Variants in MTG2 observed in about 807,000 individuals in gnomAD.
MTG2 encodes mitochondrial ribosome-associated GTPase 2.
In MTG2, 23 loss-of-function variants were observed where a neutral mutation model predicts 28.6. That is an observed-to-expected ratio of 0.80 (90% CI 0.58 to 1.14). The LOEUF is 1.14. Among genes scored for constraint, MTG2 ranks in the 50% most tolerant of loss-of-function variants. MTG2 has a pLI of 0.00. For missense variants in MTG2, 539 were observed against 552.0 expected, an observed-to-expected ratio of 0.98 and a Z score of 0.24; for synonymous variants, 260 against 251.8, an observed-to-expected ratio of 1.03 and a Z score of -0.31.
At chr20:62,195,662 T>G (rs892574487) in intron 2 of MTG2, 140 bp from the exon 3 acceptor site, 24 of 999,768 alleles carry the variant, frequency 2.4e-5, no homozygotes, top group Non-Finnish European at 2.8e-5. Flanking sequence ...AATTTAGAAG[T>G]GATTAGCAAT....
At position 62,200,985 on chromosome 20, in the gene MTG2, A is replaced by T. The variant is rs780626811; in HGVS notation, c.1129A>T (p.Asn377Tyr). The T allele has an allele frequency of 6.2e-7, 1 of 1,613,816 alleles. No individual in the cohort carries two copies. Among genetic ancestry groups the T allele is most frequent in the South Asian group, 1.1e-5 (1 of 91,086 alleles). ...VIVLSALTGE[N>Y]LEQLLLHLKV... The stretch of plus-strand genomic sequence containing the variant: ...CGTGCTGTCGGCGTTGACCGGCGAG[A>T]ACCTGGAGCAGCTGCTGTTGCACCT... Residue 377 changes from asparagine (N) to tyrosine (Y), a missense_variant, in exon 7 of 7, where the codon AAC becomes TAC. Transcript: ENST00000370823.
At position 62,199,125 on chromosome 20, in the gene MTG2, T is replaced by C; in HGVS notation, c.694T>C (p.Phe232Leu). The C allele has an allele frequency of 1.2e-6, 2 of 1,614,012 alleles. No individual in the cohort carries two copies. The highest frequency in any genetic ancestry group is 8.5e-7 in the Non-Finnish European group (1 of 1,179,982). ...TCTTCCCTCTTTCCCCCAGGTGGGA[T>C]TCCCCAACGCCGGGAAGTCCTCACT... ...KTVAHAGMVG[F>L]PNAGKSSLLR... The change falls in exon 6 of 7, where the codon TTC becomes CTC. Residue 232 changes from phenylalanine to leucine, a missense_variant. Physicochemically the swap from Phe to Leu is conservative, Grantham distance 22. Coordinates refer to ENST00000370823, the MANE Select transcript of MTG2 (RefSeq NM_015666.4).
chr20:62,184,159 C>T (rs542514279), intron 1 of MTG2, among the ~76,000 whole-genome samples: 1 of 152,340 alleles, frequency 6.6e-6, no homozygotes, highest in East Asian at 1.9e-4. Flanking sequence ...GAGTTAAAGA[C>T]CAGCCTGGCC....
rs1210556471 is a variant in MTG2 at position 62,200,891 on chromosome 20, C to A, written c.1035C>A (p.Asn345Lys). The change falls in exon 7 of 7, where the codon AAC (asparagine) becomes AAA (lysine). Residue 345 changes from asparagine to lysine, a missense_variant. By Grantham distance (94) the Asn-to-Lys change is moderately conservative. Transcript: ENST00000370823. ...CGAGGCCCCACGCAATCGTCGCAAA[C>A]AAGATTGACCTCCCTGAAGCCCAAG... ...LSARPHAIVA[N>K]KIDLPEAQAN... is the part of the protein sequence containing the mutation. The A allele has an allele frequency of 6.2e-7, 1 of 1,614,052 alleles. No individual in the cohort carries two copies. Among genetic ancestry groups the A allele is most frequent in the South Asian group, 1.1e-5 (1 of 91,092 alleles).
intron 4 of MTG2, 107 bp from the exon 5 acceptor site, chr20:62,198,527 C>A: frequency 1.6e-6 from 2 of 1,234,330 alleles, no homozygotes; most frequent in South Asian, 1.3e-5. Flanking sequence ...GCCCGGGGCA[C>A]AGTCCGCTCT....
In MTG2 at chr20:62,202,258, T is replaced by TC. The variant is rs1356644261; in HGVS notation, c.*1186dup. 1 of 152,140 alleles carries TC rather than the reference T, an allele frequency of 6.6e-6. No individual in the cohort carries two copies. The highest frequency in any genetic ancestry group is 1.5e-5 in the Non-Finnish European group (1 of 68,124). The allele number at this position is 152,140 out of a possible 1,614,324, so 9.4% of individuals were successfully genotyped here. A position where few individuals can be genotyped will look rare whatever the true frequency, so the allele number is the denominator to read the frequency against. ...TGGCAGCCTGCCTGGCCCATAGACA[T>TC]CCCCCAAGTAGTCTCAGGCCTCTGA... On this transcript the variant is annotated 3_prime_UTR_variant, in exon 7 of 7. Transcript: ENST00000370823.
intron 1 of MTG2, among the ~76,000 whole-genome samples, chr20:62,183,860 T>G (rs2057776935): frequency 6.6e-6 from 1 of 152,186 alleles, no homozygotes; most frequent in Non-Finnish European, 1.5e-5. Context: ...GGGCAGAAAA[T>G]GGATTCCTTT....
rs1210351612 is a variant in MTG2 at position 62,200,992 on chromosome 20, A to G, written c.1136A>G (p.Glu379Gly). Residue 379 changes from glutamate (E) to glycine (G), a missense_variant, in exon 7 of 7, where the codon GAG (glutamate) becomes GGG (glycine). Coordinates refer to ENST00000370823, the MANE Select transcript of MTG2 (RefSeq NM_015666.4). ...TCGGCGTTGACCGGCGAGAACCTGG[A>G]GCAGCTGCTGTTGCACCTGAAGGTG... ...VLSALTGENL[E>G]QLLLHLKVLY... 2 of 1,613,596 alleles carry G rather than the reference A, an allele frequency of 1.2e-6. No homozygotes were observed. The highest frequency in any genetic ancestry group is 1.3e-5 in the African/African-American group (1 of 74,934).
intron 1 of MTG2, among the ~76,000 whole-genome samples, chr20:62,191,227 A>G (rs542718256): frequency 5.0e-4 from 76 of 152,272 alleles, no homozygotes; most frequent in African/African-American, 1.8e-3. Context: ...TTCCAGCCCA[A>G]GGAGCTGGAC....
rs779130835 is a variant in MTG2 at position 62,197,837 on chromosome 20, T to C, written c.353-15T>C. 6.2e-7 allele frequency: 1 copy of C among 1,611,182 alleles called. No individual in the cohort carries two copies. Among genetic ancestry groups the C allele is most frequent in the Non-Finnish European group, 8.5e-7 (1 of 1,177,298 alleles). ...TCGTAACACAAAGGGACTGAGATTC[T>C]TGTTCTTGCTTTAGTTGACCAGCAA... On this transcript the variant is annotated splice_polypyrimidine_tract_variant and intron_variant, in intron 3 of 6. Transcript: ENST00000370823.
At chr20:62,186,691 G>A (rs1601083925) in intron 1 of MTG2, among the ~76,000 whole-genome samples, 1 of 152,008 alleles carries the variant, frequency 6.6e-6, no homozygotes, top group South Asian at 2.1e-4. Flanking sequence ...ACCACGCCTG[G>A]CTAATTTTTA....
In MTG2 at chr20:62,186,653, C is replaced by T. The variant is rs570463005; in HGVS notation, c.-6+3596C>T. Among the ~76,000 whole-genome samples the T allele has an allele frequency of 6.6e-5, 10 of 151,992 alleles. No homozygotes were observed. In the East Asian group the frequency reaches 1.5e-3, roughly 24 times the overall value. On this transcript the variant is annotated intron_variant, in intron 1 of 6. Coordinates refer to ENST00000370823, the MANE Select transcript of MTG2 (RefSeq NM_015666.4). ...AAGCGATTCTCCTGCCTCAGCCTCC[C>T]GAGTAGCCGGGACTACAGGCACGTG... is the stretch of plus-strand genomic sequence containing the variant.
At chr20:62,183,299 C>T (rs2057760441) in intron 1 of MTG2, among the ~76,000 whole-genome samples, 1 of 152,186 alleles carries the variant, frequency 6.6e-6, no homozygotes. Context: ...CCCGGTCCTG[C>T]CCCACTCTCT....
rs946762050 is a variant in MTG2, at chr20:62,203,522, A to C, written c.*2445A>C. ...CAAATTTTTGTCAGTCTGCTTTTCA[A>C]ATGGGATATATGATTCACATACCAT... On this transcript the variant is annotated 3_prime_UTR_variant, in exon 7 of 7. Transcript: ENST00000370823. 2 of 152,220 alleles carry C rather than the reference A, an allele frequency of 1.3e-5. No homozygotes were observed. Among genetic ancestry groups the C allele is most frequent in the East Asian group, 1.9e-4 (1 of 5,200 alleles). 9.4% of individuals were successfully genotyped at this position (152,220 alleles called of 1,614,324 possible).
chr20:62,186,766 T>C (rs2057858460), intron 1 of MTG2, among the ~76,000 whole-genome samples: 1 of 152,154 alleles, frequency 6.6e-6, no homozygotes, highest in South Asian at 2.1e-4. Context: ...TGATCTCAAA[T>C]GATCCGCCCA....
intron 1 of MTG2, among the ~76,000 whole-genome samples, chr20:62,189,143 C>CA (rs559176986): frequency 1.1e-4 from 16 of 151,558 alleles, no homozygotes; most frequent in African/African-American, 3.6e-4. Flanking sequence ...CCTGTCTCTG[C>CA]AAAAAAAATT....
intron 1 of MTG2, among the ~76,000 whole-genome samples, chr20:62,192,061 A>G (rs1167541565): frequency 6.6e-6 from 1 of 152,252 alleles, no homozygotes; most frequent in Non-Finnish European, 1.5e-5. Context: ...ACAATTCGCC[A>G]GTCCTCTGCA....
rs2058197516 is a variant in MTG2 at position 62,202,876 on chromosome 20, C to G, written c.*1799C>G. On this transcript the variant is annotated 3_prime_UTR_variant, in exon 7 of 7. Transcript: ENST00000370823. ...GAGCCGCAAGGGTCCGGGGCCGCGT[C>G]TCTGCACGCTGGGGTGGGGCGCGCT... 6.6e-6 allele frequency: 1 copy of G among 152,240 alleles called. No individual in the cohort carries two copies. Among genetic ancestry groups the G allele is most frequent in the Non-Finnish European group, 1.5e-5 (1 of 68,050 alleles). 9.4% of individuals were successfully genotyped at this position (152,240 alleles called of 1,614,324 possible). A position where few individuals can be genotyped will look rare whatever the true frequency, so the allele number is the denominator to read the frequency against.
intron 1 of MTG2, among the ~76,000 whole-genome samples, chr20:62,186,143 C>G (rs2057840595): frequency 6.6e-6 from 1 of 152,076 alleles, no homozygotes; most frequent in Non-Finnish European, 1.5e-5. Flanking sequence ...GTTGTTTTTC[C>G]CCAACCTGTT....
Sources: allele counts gnomAD v4.1 joint callset (sites outside exome capture counted in the v4.1 genomes callset), GRCh38; gene constraint gnomAD v4.1.1; transcripts MANE v1.5; gene names NCBI Gene and HGNC (gene_info 2026-07-23, HGNC 2026-07-21).